Variants in RPL27 observed in about 807,000 individuals in gnomAD.
The protein encoded by RPL27 is ribosomal protein L27, also known as large ribosomal subunit protein eL27.
For missense variants in RPL27, 131 were observed against 174.3 expected, an observed-to-expected ratio of 0.75 and a Z score of 1.40; for synonymous variants, 77 against 61.0, an observed-to-expected ratio of 1.26 and a Z score of -1.22.
chr17:42,998,666 C>A, intron 1 of RPL27, 83 bp from the exon 2 acceptor site: 3 of 1,089,676 alleles, frequency 2.8e-6, no homozygotes, highest in Non-Finnish European at 4.2e-6. Flanking sequence ...CGGCCCAAGA[C>A]CTGGGCTTGC....
chr17:43,000,084 A>C lies in RPL27; in HGVS notation c.233A>C (p.Asn78Thr). The stretch of plus-strand genomic sequence containing the variant: ...TCTTTTGTGAAAGTGTATAACTACA[A>C]TCACCTAATGCCCACAAGGTGAGCA... Reference protein sequence around the residue: ...IKSFVKVYNYNHLMPTRYSVD... With the variant: ...IKSFVKVYNYTHLMPTRYSVD... Residue 78 changes from asparagine to threonine, a missense_variant, in exon 3 of 5, where the codon AAT becomes ACT. Coordinates refer to ENST00000253788, the MANE Select transcript of RPL27 (RefSeq NM_000988.5). 1 of 1,612,558 alleles carries C rather than the reference A, an allele frequency of 6.2e-7. No individual in the cohort carries two copies. Among genetic ancestry groups the C allele is most frequent in the Non-Finnish European group, 8.5e-7 (1 of 1,179,394 alleles).
chr17:42,998,364 A>C (rs2050320880), upstream of RPL27: 1 of 177,250 alleles, frequency 5.6e-6, no homozygotes, highest in African/African-American at 2.4e-5. Context: ...TCAGCGTGGC[A>C]AAGCCTGAAG....
intron 3 of RPL27, among the ~76,000 whole-genome samples, chr17:43,000,351 C>G (rs1222542659): frequency 6.6e-6 from 1 of 152,166 alleles, no homozygotes; most frequent in Non-Finnish European, 1.5e-5. Context: ...GTTCCACCCT[C>G]AAGGATAAAT....
chr17:42,999,880 C>T, intron 2 of RPL27, 53 bp from the exon 3 acceptor site: 1 of 1,456,940 alleles, frequency 6.9e-7, no homozygotes, highest in African/African-American at 1.4e-5. Context: ...ACCTCTAACA[C>T]AGGGCCTAAA....
chr17:42,998,462 G>T lies in RPL27; in HGVS notation c.-12G>T. ...TCCTTTTTGCTGGTAGGGCCGGGTG[G>T]TTGCTGCCGGTAAGTAGAAGCTTGG... On this transcript the variant is annotated 5_prime_UTR_variant, in exon 1 of 5. Transcript: ENST00000253788. The T allele has an allele frequency of 3.3e-6, 1 of 300,010 alleles. No individual in the cohort carries two copies. The allele number at this position is 300,010 out of a possible 1,614,324, so 18.6% of individuals were successfully genotyped here.
At chr17:43,002,371 A>G (rs1400752121) in intron 3 of RPL27, among the ~76,000 whole-genome samples, 2 of 149,962 alleles carry the variant, frequency 1.3e-5, no homozygotes, top group Non-Finnish European at 3.0e-5. Context: ...GCCAGGCCTG[A>G]TGGCGGGCAC....
intron 1 of RPL27, 79 bp downstream of exon 1, chr17:42,998,550 T>A (rs1243460438): frequency 6.4e-6 from 3 of 469,290 alleles, no homozygotes; most frequent in Non-Finnish European, 1.1e-5. Context: ...CGGCGCCGGG[T>A]GCATTCCTTC....
chr17:43,002,617 G>GT (rs1351972746), intron 3 of RPL27, 56 bp from the exon 4 acceptor site: 2 of 1,014,800 alleles, frequency 2.0e-6, no homozygotes, highest in African/African-American at 3.2e-5. Context: ...GATTTGGGCT[G>GT]TATAGGGGCC....
Position 42,998,763 on chromosome 17 carries a change from A to C in RPL27, c.13A>C (p.Met5Leu), listed in dbSNP as rs2050326806. 1 of 1,613,914 alleles carries C rather than the reference A, an allele frequency of 6.2e-7. No individual in the cohort carries two copies. Among genetic ancestry groups the C allele is most frequent in the Admixed American group, 1.7e-5 (1 of 60,006 alleles). Reference sequence around the variant, plus strand: ...GCTCTCTGCAGAAATGGGCAAGTTCATGAAACCTGGGAAGGTGGTGCTTGT... The same window carrying C: ...GCTCTCTGCAGAAATGGGCAAGTTCCTGAAACCTGGGAAGGTGGTGCTTGT... The part of the protein sequence containing the change: MGKF[M>L]KPGKVVLVLA... Residue 5 changes from methionine to leucine, a missense_variant, in exon 2 of 5, where the codon ATG (methionine) becomes CTG (leucine). Met to Leu is a conservative substitution (Grantham distance 15). Coordinates refer to ENST00000253788, the MANE Select transcript of RPL27 (RefSeq NM_000988.5).
At chr17:43,000,739 C>T (rs199533141) in intron 3 of RPL27, among the ~76,000 whole-genome samples, 2 of 150,406 alleles carry the variant, frequency 1.3e-5, no homozygotes, top group Non-Finnish European at 3.0e-5. Flanking sequence ...CCACCGTGCC[C>T]GGCCAGTACA....
chr17:43,000,153 A>T, intron 3 of RPL27, 51 bp downstream of exon 3: 1 of 1,394,802 alleles, frequency 7.2e-7, no homozygotes, highest in Non-Finnish European at 1.0e-6. Context: ...GCTCTGTTGA[A>T]TAATGAGACA....
At chr17:43,002,227 C>A (rs939503632) in intron 3 of RPL27, among the ~76,000 whole-genome samples, 5 of 151,624 alleles carry the variant, frequency 3.3e-5, no homozygotes, top group African/African-American at 1.2e-4. Flanking sequence ...ATTTTCAGGC[C>A]GGATGCGGTG....
intron 3 of RPL27, among the ~76,000 whole-genome samples, chr17:43,002,127 G>A (rs916737746): frequency 2.0e-5 from 3 of 151,728 alleles, no homozygotes; most frequent in Non-Finnish European, 4.4e-5. Context: ...ATGATTCTTA[G>A]CTAGAAAAAT....
At chr17:43,001,888 G>C (rs932278955) in intron 3 of RPL27, among the ~76,000 whole-genome samples, 1 of 149,638 alleles carries the variant, frequency 6.7e-6, no homozygotes, top group Non-Finnish European at 1.5e-5. Flanking sequence ...TCAGGAGATC[G>C]AGACCATCCT....
In RPL27 at chr17:42,998,848, A is replaced by T. The variant is rs778192641; in HGVS notation, c.81+17A>T. Reference sequence around the variant, plus strand: ...ATCGTGAAGGTATCAGCCTCGCGGGACTCTGCGTCCTTGCATGCCGGGACC... The same window carrying T: ...ATCGTGAAGGTATCAGCCTCGCGGGTCTCTGCGTCCTTGCATGCCGGGACC... On this transcript the variant is annotated intron_variant, in intron 2 of 4. Coordinates refer to ENST00000253788, the MANE Select transcript of RPL27 (RefSeq NM_000988.5). 6.2e-7 allele frequency: 1 copy of T among 1,609,102 alleles called. No homozygotes were observed. The highest frequency in any genetic ancestry group is 8.5e-7 in the Non-Finnish European group (1 of 1,176,128).
Position 43,002,228 on chromosome 17 carries a change from G to A in RPL27, c.252-445G>A, listed in dbSNP as rs180776831. Among the ~76,000 whole-genome samples, 92 of 151,770 alleles carry A rather than the reference G, an allele frequency of 6.1e-4. No individual in the cohort carries two copies. The East Asian group carries it at 0.017, about 27-fold the overall frequency. On this transcript the variant is annotated intron_variant, in intron 3 of 4. Transcript: ENST00000253788. ...AATGTTAAAAGTGAATTTTCAGGCC[G>A]GATGCGGTGACTCACGCCTATAATC... is the stretch of plus-strand genomic sequence containing the variant.
rs2050322843 is a variant in RPL27 at position 42,998,465 on chromosome 17, G to C, written c.-9G>C. 6.6e-6 allele frequency: 2 copies of C among 303,118 alleles called. No individual in the cohort carries two copies. The highest frequency in any genetic ancestry group is 1.7e-4 in the East Asian group (2 of 11,852). 18.8% of individuals were successfully genotyped at this position (303,118 alleles called of 1,614,324 possible). ...TTTTTGCTGGTAGGGCCGGGTGGTT[G>C]CTGCCGGTAAGTAGAAGCTTGGGTT... On this transcript the variant is annotated 5_prime_UTR_variant, in exon 1 of 5. Transcript: ENST00000253788.
At position 43,000,070 on chromosome 17, in the gene RPL27, A is replaced by G. The variant is rs2151965150; in HGVS notation, c.219A>G (p.Lys73=). The stretch of plus-strand genomic sequence containing the variant: ...GATCAAAGATAAAATCTTTTGTGAA[A>G]GTGTATAACTACAATCACCTAATGC... ...AKRSKIKSFV[K]VYNYNHLMPT... is the part of the protein sequence containing the mutation. Residue 73 remains lysine (K), a synonymous_variant, in exon 3 of 5, where the codon AAA becomes AAG. Transcript: ENST00000253788. 1 of 1,613,194 alleles carries G rather than the reference A, an allele frequency of 6.2e-7. No homozygotes were observed.
At chr17:43,001,390 C>A (rs1229978004) in intron 3 of RPL27, among the ~76,000 whole-genome samples, 3 of 151,960 alleles carry the variant, frequency 2.0e-5, no homozygotes, top group African/African-American at 7.3e-5. Flanking sequence ...CTTTGGGAGG[C>A]CGAGGCAGGT....
Sources: gnomAD v4.1 joint callset for allele counts (sites outside exome capture counted in the v4.1 genomes callset) on GRCh38, gnomAD v4.1.1 for gene constraint, MANE v1.5 for transcripts, NCBI Gene and HGNC (gene_info 2026-07-23, HGNC 2026-07-21) for gene names.